The following ST6GALNAC3 variants were observed in gnomAD, a reference collection of about 807,000 sequenced individuals.
ST6GALNAC3 encodes ST6 N-acetylgalactosaminide alpha-2,6-sialyltransferase 3, also known as alpha-N-acetylgalactosaminide alpha-2,6-sialyltransferase 3.
Under a neutral mutation model 32.7 loss-of-function variants are expected in ST6GALNAC3, and 25 were observed. The observed-to-expected ratio is 0.76, with a 90% CI of 0.56 to 1.07. The LOEUF (loss-of-function observed/expected upper bound fraction) is 1.07, where lower values mean the gene tolerates loss of function less well. Ranked by LOEUF, ST6GALNAC3 falls within the 50% of genes least tolerant of loss-of-function variation. The probability of loss-of-function intolerance (pLI) is 0.00; values close to 1 mark genes in which losing one functional copy is unlikely to be tolerated. For missense variants in ST6GALNAC3, 355 were observed against 382.4 expected (o/e 0.93, Z 0.60); for synonymous variants, 129 against 133.1 (o/e 0.97, Z 0.21).
intron 1 of ST6GALNAC3, among the ~76,000 whole-genome samples, chr1:76,301,788 G>A (rs752298868): frequency 9.9e-5 from 15 of 151,836 alleles, no homozygotes; most frequent in Middle Eastern, 3.4e-3. Context: ...GAAGTGGGTG[G>A]GATATGCCTG....
chr1:76,111,011 C>G (rs944449188), intron 1 of ST6GALNAC3, among the ~76,000 whole-genome samples: 8 of 152,072 alleles, frequency 5.3e-5, no homozygotes, highest in African/African-American at 1.9e-4. Flanking sequence ...GAGAGAAAAT[C>G]TGGAAAGATG....
intron 2 of ST6GALNAC3, among the ~76,000 whole-genome samples, chr1:76,354,895 G>A (rs80054832): frequency 6.6e-6 from 1 of 152,134 alleles, no homozygotes; most frequent in Non-Finnish European, 1.5e-5. Context: ...AAACTAGACT[G>A]TTTTGGTAAG....
At chr1:76,575,166 A>T (rs771207295) in intron 3 of ST6GALNAC3, among the ~76,000 whole-genome samples, 2 of 152,116 alleles carry the variant, frequency 1.3e-5, no homozygotes, top group African/African-American at 2.4e-5. Flanking sequence ...TATGCAGAGG[A>T]AATGGAAATC....
intron 1 of ST6GALNAC3, among the ~76,000 whole-genome samples, chr1:76,171,239 G>A (rs1413560250): frequency 6.6e-6 from 1 of 151,978 alleles, no homozygotes; most frequent in African/African-American, 2.4e-5. Context: ...TTTCTCTAGT[G>A]AAGCTATTGA....
intron 3 of ST6GALNAC3, among the ~76,000 whole-genome samples, chr1:76,432,443 CTTTTTTTTTTTTTTT>C (rs35527607): frequency 3.5e-5 from 2 of 57,150 alleles, no homozygotes; most frequent in African/African-American, 7.0e-5. Flanking sequence ...CCTTTATTGC[CTTTTTTTTTTTTTTT>C]TTTTTTTTTT....
At chr1:76,524,377 T>G (rs1662738468) in intron 3 of ST6GALNAC3, among the ~76,000 whole-genome samples, 1 of 152,154 alleles carries the variant, frequency 6.6e-6, no homozygotes. Context: ...TACAGTTATC[T>G]GATTATATTT....
intron 3 of ST6GALNAC3, among the ~76,000 whole-genome samples, chr1:76,616,147 C>T (rs1015890848): frequency 6.6e-6 from 1 of 152,136 alleles, no homozygotes; most frequent in Non-Finnish European, 1.5e-5. Context: ...CATAGATTGC[C>T]AGCCGAACTG....
At chr1:76,455,645 T>G (rs770707793) in intron 3 of ST6GALNAC3, among the ~76,000 whole-genome samples, 39 of 152,286 alleles carry the variant, frequency 2.6e-4, no homozygotes, top group Non-Finnish European at 4.6e-4. Flanking sequence ...TTTCAAGTAC[T>G]GAGGGAAAAA....
chr1:76,406,380 A>G (rs1339598941), intron 2 of ST6GALNAC3, among the ~76,000 whole-genome samples: 1 of 152,076 alleles, frequency 6.6e-6, no homozygotes, highest in Non-Finnish European at 1.5e-5. Flanking sequence ...GTAATTATTT[A>G]TTGCTTGAGA....
chr1:76,084,882 ACTAGGTAGT>A (rs1557599906), intron 1 of ST6GALNAC3, among the ~76,000 whole-genome samples: 244 of 152,316 alleles, frequency 1.6e-3, no homozygotes, highest in African/African-American at 5.8e-3. Flanking sequence ...CAGGCAGCCT[ACTAGGTAGT>A]TTACAGATAT....
rs1419874706 is a variant in ST6GALNAC3 at position 76,632,052 on chromosome 1, G to T, written c.*3246G>T. 1.3e-5 allele frequency: 2 copies of T among 151,986 alleles called. No homozygotes were observed. Among genetic ancestry groups the T allele is most frequent in the African/African-American group, 4.8e-5 (2 of 41,402 alleles). The allele number at this position is 151,986 out of a possible 1,614,324, so 9.4% of individuals were successfully genotyped here. A position where few individuals can be genotyped will look rare whatever the true frequency, so the allele number is the denominator to read the frequency against. The stretch of plus-strand genomic sequence containing the variant: ...ATATATGCACATAGAGTCTATTTGT[G>T]TGTGTGTGAACGCACATATATATAC... On this transcript the variant is annotated 3_prime_UTR_variant, in exon 5 of 5. Transcript: ENST00000328299.
At chr1:76,231,889 T>A (rs1364379861) in intron 1 of ST6GALNAC3, among the ~76,000 whole-genome samples, 2 of 152,238 alleles carry the variant, frequency 1.3e-5, no homozygotes, top group African/African-American at 2.4e-5. Context: ...GGTAATTCTA[T>A]TTTTTAACTT....
chr1:76,265,887 G>A (rs1323053483), intron 1 of ST6GALNAC3, among the ~76,000 whole-genome samples: 1 of 152,168 alleles, frequency 6.6e-6, no homozygotes, highest in East Asian at 1.9e-4. Context: ...GCTCATTCCC[G>A]CTCCCTAAGG....
chr1:76,434,654 C>T (rs1363576178), intron 3 of ST6GALNAC3, among the ~76,000 whole-genome samples: 4 of 151,870 alleles, frequency 2.6e-5, no homozygotes, highest in African/African-American at 9.7e-5. Context: ...TTAAATTAAA[C>T]TATTTTTTAT....
intron 2 of ST6GALNAC3, among the ~76,000 whole-genome samples, chr1:76,343,246 A>G (rs1313872552): frequency 6.6e-6 from 1 of 152,206 alleles, no homozygotes; most frequent in Non-Finnish European, 1.5e-5. Flanking sequence ...CTGAAATATT[A>G]ATGTGTACAT....
intron 1 of ST6GALNAC3, among the ~76,000 whole-genome samples, chr1:76,205,093 C>T (rs770624891): frequency 1.3e-4 from 20 of 152,108 alleles, no homozygotes; most frequent in African/African-American, 1.9e-4. Flanking sequence ...CTTTATATTC[C>T]CTGTCTCCTA....
At chr1:76,375,834 CTG>C (rs1651180939) in intron 2 of ST6GALNAC3, among the ~76,000 whole-genome samples, 1 of 152,178 alleles carries the variant, frequency 6.6e-6, no homozygotes, top group Non-Finnish European at 1.5e-5. Flanking sequence ...CAAGGAAGCT[CTG>C]TCACTACTCA....
chr1:76,142,375 G>C (rs942231396), intron 1 of ST6GALNAC3, among the ~76,000 whole-genome samples: 2 of 152,146 alleles, frequency 1.3e-5, no homozygotes, highest in African/African-American at 4.8e-5. Context: ...TGTCTTCCAG[G>C]GACCCATTCT....
In ST6GALNAC3 at chr1:76,430,045, G is replaced by A. The variant is rs562602658; in HGVS notation, c.623+17628G>A. Among the ~76,000 whole-genome samples the A allele has an allele frequency of 1.1e-4, 16 of 152,244 alleles. 1 individual carries two copies. Among genetic ancestry groups the A allele is most frequent in the African/African-American group, 3.9e-4 (16 of 41,558 alleles). On this transcript the variant is annotated intron_variant, in intron 3 of 4. Transcript: ENST00000328299. ...CTAGGTTGGCCTTTAGGCATTTTCT[G>A]TGTGAAATTCAATCTGTTTAAATTT...
Sources: allele counts gnomAD v4.1 joint callset (sites outside exome capture counted in the v4.1 genomes callset), GRCh38; gene constraint gnomAD v4.1.1; transcripts MANE v1.5; gene names NCBI Gene and HGNC (gene_info 2026-07-23, HGNC 2026-07-21).